The following CNTN5 variants were observed in gnomAD, a reference collection of about 807,000 sequenced individuals.
CNTN5 encodes contactin 5, also known as contactin-5.
A neutral mutation model predicts 129.1 loss-of-function variants in CNTN5; 77 were observed. The ratio of observed to expected loss-of-function variants is 0.60; its 90% CI spans 0.50 to 0.72. CNTN5 has a LOEUF of 0.72. CNTN5 is among the 30% of genes least tolerant of loss of function. CNTN5 has a pLI of 0.00. For synonymous variants in CNTN5, 509 were observed against 465.6 expected, an observed-to-expected ratio of 1.09 and a Z score of -1.20; for missense variants, 1,478 against 1,328.8, an observed-to-expected ratio of 1.11 and a Z score of -1.75.
intron 6 of CNTN5, among the ~76,000 whole-genome samples, chr11:99,869,089 TA>T (rs1948433113): frequency 6.6e-6 from 1 of 152,176 alleles, no homozygotes; most frequent in South Asian, 2.1e-4. Context: ...TTAATCTTTT[TA>T]AAAAATAAAA....
At chr11:100,106,735 T>A (rs1945447751) in intron 13 of CNTN5, among the ~76,000 whole-genome samples, 1 of 152,178 alleles carries the variant, frequency 6.6e-6, no homozygotes, top group Admixed American at 6.5e-5. Flanking sequence ...GATATTTGCC[T>A]ATAATATCAC....
chr11:100,078,613 T>G (rs1053635016), intron 13 of CNTN5, among the ~76,000 whole-genome samples: 3 of 152,198 alleles, frequency 2.0e-5, no homozygotes, highest in Non-Finnish European at 4.4e-5. Flanking sequence ...TTACTTGCTC[T>G]GCTTATCCTG....
chr11:100,025,536 G>A (rs952623666), intron 9 of CNTN5, among the ~76,000 whole-genome samples: 1 of 152,176 alleles, frequency 6.6e-6, no homozygotes, highest in Non-Finnish European at 1.5e-5. Flanking sequence ...TCCACTGACA[G>A]CTTCCACCAT....
intron 9 of CNTN5, among the ~76,000 whole-genome samples, chr11:100,017,474 G>A (rs145676150): frequency 6.0e-4 from 91 of 152,082 alleles, no homozygotes; most frequent in Non-Finnish European, 8.5e-4. Flanking sequence ...TAAAGTAGTG[G>A]TGTGTCTTAC....
At chr11:99,057,046 C>T (rs114201569) in intron 1 of CNTN5, among the ~76,000 whole-genome samples, 2 of 151,986 alleles carry the variant, frequency 1.3e-5, no homozygotes, top group Admixed American at 6.6e-5. Context: ...CAGCTTATCA[C>T]TAAATTGACA....
intron 2 of CNTN5, among the ~76,000 whole-genome samples, chr11:99,442,578 T>A (rs1166040262): frequency 6.6e-6 from 1 of 152,214 alleles, no homozygotes; most frequent in African/African-American, 2.4e-5. Context: ...TTTATTTTAA[T>A]CTTGATTATT....
chr11:99,399,751 T>C (rs892295879), intron 2 of CNTN5, among the ~76,000 whole-genome samples: 2 of 151,956 alleles, frequency 1.3e-5, no homozygotes, highest in Admixed American at 6.6e-5. Context: ...GTTTTTTTAG[T>C]TGTTCAATTA....
chr11:99,190,005 C>A (rs1858553454), intron 1 of CNTN5, among the ~76,000 whole-genome samples: 1 of 151,300 alleles, frequency 6.6e-6, no homozygotes, highest in Non-Finnish European at 1.5e-5. Context: ...GAAACTTTTC[C>A]CTGTATTTTT....
At chr11:99,058,784 C>T (rs1261869891) in intron 1 of CNTN5, among the ~76,000 whole-genome samples, 4 of 150,990 alleles carry the variant, frequency 2.6e-5, no homozygotes, top group Admixed American at 6.6e-5. Flanking sequence ...GAGCAGGAGG[C>T]GAGGAAAAAT....
At chr11:99,671,073 TCTCG>T (rs1330109052) in intron 3 of CNTN5, among the ~76,000 whole-genome samples, 1 of 152,114 alleles carries the variant, frequency 6.6e-6, no homozygotes, top group Non-Finnish European at 1.5e-5. Flanking sequence ...ACGTGCTCTC[TCTCG>T]CTTTCTTGTG....
intron 2 of CNTN5, among the ~76,000 whole-genome samples, chr11:99,454,100 G>A (rs921136158): frequency 6.6e-6 from 1 of 152,120 alleles, no homozygotes; most frequent in Non-Finnish European, 1.5e-5. Flanking sequence ...TGCCCACAGT[G>A]TATTTGCCCC....
At chr11:100,276,975 T>A (rs1950526944) in intron 18 of CNTN5, among the ~76,000 whole-genome samples, 2 of 152,026 alleles carry the variant, frequency 1.3e-5, no homozygotes, top group African/African-American at 4.8e-5. Flanking sequence ...CACTACCAAC[T>A]ACACTTCCCA....
At position 99,172,353 on chromosome 11, in the gene CNTN5, G is replaced by A. The variant is rs139113019; in HGVS notation, c.-210+151083G>A. On this transcript the variant is annotated intron_variant, in intron 1 of 24. Transcript: ENST00000524871. ...TATACATTTAAATGTAAAGAATTGC[G>A]TATCCAAGATTTCCATTTTGTTTAA... Among the ~76,000 whole-genome samples, 256 of 152,132 alleles carry A rather than the reference G, an allele frequency of 1.7e-3. 5 individuals carry two copies. The highest frequency in any genetic ancestry group is 6.0e-4 in the Non-Finnish European group (41 of 67,966).
intron 1 of CNTN5, among the ~76,000 whole-genome samples, chr11:99,237,219 G>A (rs1861317344): frequency 1.3e-5 from 2 of 151,746 alleles, no homozygotes; most frequent in South Asian, 4.2e-4. Flanking sequence ...TCTTTGTTCT[G>A]TTGGCATGAT....
At chr11:99,664,966 A>G (rs1429835589) in intron 3 of CNTN5, among the ~76,000 whole-genome samples, 1 of 152,206 alleles carries the variant, frequency 6.6e-6, no homozygotes, top group Non-Finnish European at 1.5e-5. Flanking sequence ...AAGCTGCTTT[A>G]TCAGGACAGA....
intron 2 of CNTN5, among the ~76,000 whole-genome samples, chr11:99,459,824 C>A (rs1396065194): frequency 6.6e-6 from 1 of 151,748 alleles, no homozygotes; most frequent in African/African-American, 2.4e-5. Context: ...GAACTGGTAA[C>A]AAAAGGGCTT....
Position 99,986,501 on chromosome 11 carries a change from T to C in CNTN5, c.878-15533T>C, listed in dbSNP as rs994901590. 2.1e-4 allele frequency among the ~76,000 whole-genome samples: 32 copies of C among 152,216 alleles called. 1 individual carries two copies. Among genetic ancestry groups the C allele is most frequent in the Non-Finnish European group, 3.7e-4 (25 of 68,042 alleles). ...ACAGTTTTGTGCCCTAGACTCCATC[T>C]CTTCTTACCTACATCAAGAAGTTGT... On this transcript the variant is annotated intron_variant, in intron 8 of 24. Coordinates refer to ENST00000524871, the MANE Select transcript of CNTN5 (RefSeq NM_014361.4).
At chr11:99,185,811 AACCC>A (rs1565386172) in intron 1 of CNTN5, among the ~76,000 whole-genome samples, 8 of 150,468 alleles carry the variant, frequency 5.3e-5, no homozygotes, top group Admixed American at 4.0e-4. Context: ...CCATCAAAAT[AACCC>A]ATCAAAATAA....
chr11:99,527,653 A>G (rs1381635335), intron 2 of CNTN5, among the ~76,000 whole-genome samples: 1 of 152,210 alleles, frequency 6.6e-6, no homozygotes, highest in Non-Finnish European at 1.5e-5. Context: ...GCATATATCA[A>G]TCACAGACTG....
Sources: allele counts gnomAD v4.1 joint callset (sites outside exome capture counted in the v4.1 genomes callset), GRCh38; gene constraint gnomAD v4.1.1; transcripts MANE v1.5; gene names NCBI Gene and HGNC (gene_info 2026-07-23, HGNC 2026-07-21).